Variants in RELL1 observed in about 807,000 individuals in gnomAD.
The protein encoded by RELL1 is RELT like 1, also known as RELT-like protein 1.
Under a neutral mutation model 23.0 loss-of-function variants are expected in RELL1, and 10 were observed. The observed-to-expected ratio is 0.43, with a 90% CI of 0.27 to 0.74. The LOEUF is 0.74. RELL1 is among the 30% of genes least tolerant of loss of function. The pLI, the probability that RELL1 is intolerant of heterozygous loss-of-function variation, is 0.19. For missense variants in RELL1, 315 were observed against 364.4 expected, an observed-to-expected ratio of 0.86 and a Z score of 1.10; for synonymous variants, 146 against 146.8, an observed-to-expected ratio of 0.99 and a Z score of 0.04.
intron 6 of RELL1, among the ~76,000 whole-genome samples, chr4:37,627,626 C>G (rs915237298): frequency 6.6e-6 from 1 of 151,994 alleles, no homozygotes; most frequent in Non-Finnish European, 1.5e-5. Context: ...AGAGAGAAAT[C>G]CTGCCACAGT....
intron 6 of RELL1, among the ~76,000 whole-genome samples, chr4:37,621,702 A>T (rs2063299): frequency 0.029 from 4,478 of 152,270 alleles, 239 homozygotes; most frequent in East Asian, 0.17. Context: ...AAAGAGGAAG[A>T]ACAGATAAGC....
intron 1 of RELL1, among the ~76,000 whole-genome samples, chr4:37,671,577 G>A (rs1721834313): frequency 6.6e-6 from 1 of 152,156 alleles, no homozygotes; most frequent in Non-Finnish European, 1.5e-5. Flanking sequence ...GCAATGTTGG[G>A]AAGTTACCTA....
chr4:37,609,716 T>A (rs952426335), downstream of RELL1, among the ~76,000 whole-genome samples: 15 of 152,154 alleles, frequency 9.9e-5, no homozygotes, highest in African/African-American at 3.6e-4. Flanking sequence ...GTTCAAGACT[T>A]CAGTGGAGGA....
In RELL1 at chr4:37,631,506, A is replaced by G. The variant is rs901447009; in HGVS notation, c.698T>C (p.Val233Ala). 4 of 1,613,786 alleles carry G rather than the reference A, an allele frequency of 2.5e-6. No homozygotes were observed. The highest frequency in any genetic ancestry group is 3.4e-6 in the Non-Finnish European group (4 of 1,179,970). The change falls in exon 6 of 7, where the codon GTG (valine) becomes GCG (alanine). Residue 233 changes from valine to alanine, a missense_variant. Physicochemically the swap from Val to Ala is moderately conservative, Grantham distance 64. Transcript: ENST00000454158. Reference sequence around the variant, plus strand: ...TTCCTTCTGGTTTGACTTGTGCTCCACTTTTGTAACTCTAAATCTGAGGGG... The same window carrying G: ...TTCCTTCTGGTTTGACTTGTGCTCCGCTTTTGTAACTCTAAATCTGAGGGG... ...LSVGRFRVTK[V>A]EHKSNQKERR... is the part of the protein sequence containing the mutation.
chr4:37,605,864 AAG>A (rs1348821371), downstream of RELL1, among the ~76,000 whole-genome samples: 2 of 149,328 alleles, frequency 1.3e-5, no homozygotes, highest in African/African-American at 4.9e-5. Flanking sequence ...AAAGAAAAGA[AAG>A]AGAAAGGAAA....
intron 1 of RELL1, among the ~76,000 whole-genome samples, chr4:37,655,155 T>C (rs1721077908): frequency 6.6e-6 from 1 of 152,090 alleles, no homozygotes; most frequent in African/African-American, 2.4e-5. Flanking sequence ...CCCAAATTAA[T>C]GTAAGGGCAA....
chr4:37,650,188 A>G (rs1720863309), intron 1 of RELL1, among the ~76,000 whole-genome samples: 1 of 152,220 alleles, frequency 6.6e-6, no homozygotes, highest in Non-Finnish European at 1.5e-5. Context: ...TGAGCAAAAC[A>G]GGCGGAGATT....
chr4:37,675,414 G>T (rs1721994585), intron 1 of RELL1, among the ~76,000 whole-genome samples: 2 of 152,168 alleles, frequency 1.3e-5, no homozygotes. Flanking sequence ...TTCCCTGTAA[G>T]TCTCAGTTTC....
At chr4:37,683,856 C>T (rs778097206) in intron 1 of RELL1, among the ~76,000 whole-genome samples, 14 of 151,932 alleles carry the variant, frequency 9.2e-5, no homozygotes, top group African/African-American at 2.2e-4. Flanking sequence ...CCAAGGTGGG[C>T]GGATCACGAG....
intron 6 of RELL1, among the ~76,000 whole-genome samples, chr4:37,601,657 C>A (rs970843254): frequency 2.0e-4 from 30 of 152,172 alleles, no homozygotes; most frequent in Non-Finnish European, 4.0e-4. Flanking sequence ...CATGGCCAGG[C>A]CTTCTGGCGA....
At position 37,630,692 on chromosome 4, in the gene RELL1, T is replaced by TA. The variant is rs558432808; in HGVS notation, c.*3+692dup. Among the ~76,000 whole-genome samples the TA allele has an allele frequency of 7.2e-5, 11 of 152,102 alleles. No homozygotes were observed. The East Asian group carries it at 1.7e-3, about 24-fold the overall frequency. On this transcript the variant is annotated intron_variant, in intron 6 of 6. Transcript: ENST00000454158. Reference sequence around the variant, plus strand: ...GCCCAGCTGCGTGTTGTTTTTTTTTTAAGCAGTGTCTTGCAAAATTAAAAT... The same window carrying TA: ...GCCCAGCTGCGTGTTGTTTTTTTTTTAAAGCAGTGTCTTGCAAAATTAAAAT...
intron 1 of RELL1, among the ~76,000 whole-genome samples, chr4:37,656,620 T>C (rs985655058): frequency 3.9e-5 from 6 of 152,200 alleles, no homozygotes; most frequent in African/African-American, 1.2e-4. Context: ...TGTTGAGCTG[T>C]AGTGGGACCT....
chr4:37,599,672 C>T (rs1306451329), intron 6 of RELL1, among the ~76,000 whole-genome samples: 1 of 152,146 alleles, frequency 6.6e-6, no homozygotes, highest in Non-Finnish European at 1.5e-5. Flanking sequence ...ATCCAGAATT[C>T]TTGTTAACCC....
chr4:37,650,290 A>G (rs778163962), intron 1 of RELL1, among the ~76,000 whole-genome samples: 7 of 152,238 alleles, frequency 4.6e-5, no homozygotes, highest in Non-Finnish European at 7.3e-5. Context: ...GATAGCATCA[A>G]GATCTTGGCC....
intron 6 of RELL1, 44 bp from the exon 7 acceptor site, chr4:37,613,386 G>A (rs987363080): frequency 6.6e-6 from 1 of 151,938 alleles, no homozygotes; most frequent in Non-Finnish European, 1.5e-5. Flanking sequence ...CCAAGGGTAA[G>A]CATCATATCA....
rs910725725 is a variant in RELL1 at position 37,612,019 on chromosome 4, C to CA, written c.*1326dup. Among the ~76,000 whole-genome samples, 7 of 150,664 alleles carry CA rather than the reference C, an allele frequency of 4.6e-5. No individual in the cohort carries two copies. The highest frequency in any genetic ancestry group is 2.1e-4 in the South Asian group (1 of 4,784). The stretch of plus-strand genomic sequence containing the variant: ...TGAAACCCCGTCTCTCCTAAAAATA[C>CA]AAAAAAAATAAGCCAAGCGTGGTGG... On this transcript the variant is annotated 3_prime_UTR_variant, in exon 7 of 7. Coordinates refer to ENST00000454158, the MANE Select transcript of RELL1 (RefSeq NM_001085400.2).
At chr4:37,632,418 C>T (rs1358759990) in intron 5 of RELL1, among the ~76,000 whole-genome samples, 1 of 152,170 alleles carries the variant, frequency 6.6e-6, no homozygotes, top group Non-Finnish European at 1.5e-5. Context: ...GATCCACCTG[C>T]CTCAGCCTCC....
intron 1 of RELL1, among the ~76,000 whole-genome samples, chr4:37,684,465 G>A (rs1437564823): frequency 2.0e-5 from 3 of 152,106 alleles, no homozygotes; most frequent in African/African-American, 7.2e-5. Flanking sequence ...CTCTAGGGAT[G>A]GATTTCTCCT....
intron 3 of RELL1, among the ~76,000 whole-genome samples, chr4:37,640,747 A>AT (rs5857577): frequency 2.2e-4 from 34 of 151,282 alleles, no homozygotes; most frequent in African/African-American, 5.6e-4. Flanking sequence ...GCAACCATCC[A>AT]TTTTTTTTTT....
Sources: allele counts gnomAD v4.1 joint callset (sites outside exome capture counted in the v4.1 genomes callset), GRCh38; gene constraint gnomAD v4.1.1; transcripts MANE v1.5; gene names NCBI Gene and HGNC (gene_info 2026-07-23, HGNC 2026-07-21).